Variants in NTRK2 observed in about 807,000 individuals in gnomAD.
NTRK2 encodes the protein BDNF/NT-3 growth factors receptor.
Under a neutral mutation model 94.5 loss-of-function variants are expected in NTRK2, and 13 were observed. The ratio of observed to expected loss-of-function variants is 0.14; its 90% CI spans 0.09 to 0.22. NTRK2 has a LOEUF of 0.22. NTRK2 is among the 10% of genes least tolerant of loss of function. NTRK2 has a pLI of 1.00. For synonymous variants in NTRK2, 372 were observed against 407.4 expected, an observed-to-expected ratio of 0.91 and a Z score of 1.05; for missense variants, 639 against 1,071.2, an observed-to-expected ratio of 0.60 and a Z score of 5.63.
intron 9 of NTRK2, among the ~76,000 whole-genome samples, chr9:84,733,253 G>A (rs142369289): frequency 1.2e-4 from 19 of 152,274 alleles, no homozygotes; most frequent in Admixed American, 7.2e-4. Context: ...CTCTCCTTCC[G>A]GGGATATCTT....
At chr9:84,765,316 A>G (rs1281467097) in intron 12 of NTRK2, among the ~76,000 whole-genome samples, 1 of 152,214 alleles carries the variant, frequency 6.6e-6, no homozygotes, top group Non-Finnish European at 1.5e-5. Context: ...CATGTACCCC[A>G]TAAATATGTA....
Position 84,750,714 on chromosome 9 carries a change from A to G in NTRK2, c.1297-1272A>G, listed in dbSNP as rs560851937. On this transcript the variant is annotated intron_variant, in intron 11 of 18. Coordinates refer to ENST00000277120, the MANE Select transcript of NTRK2 (RefSeq NM_006180.6). The stretch of plus-strand genomic sequence containing the variant: ...GCTGGCAAAGCCTGAAGTATTTACC[A>G]TCTGACCTTTACAGCAAAAGTTTGC... 2.0e-5 allele frequency among the ~76,000 whole-genome samples: 3 copies of G among 152,364 alleles called. No homozygotes were observed. In the South Asian group the frequency reaches 6.2e-4, roughly 32 times the overall value.
chr9:84,776,553 A>T (rs917576944), intron 12 of NTRK2, among the ~76,000 whole-genome samples: 4 of 152,172 alleles, frequency 2.6e-5, no homozygotes, highest in Admixed American at 6.5e-5. Context: ...AAAACTATGA[A>T]ATGTCTAAGA....
chr9:85,000,137 G>A (rs777365993), intron 17 of NTRK2, among the ~76,000 whole-genome samples: 14 of 152,096 alleles, frequency 9.2e-5, no homozygotes, highest in African/African-American at 1.4e-4. Context: ...AACAGAAAGT[G>A]GAGTTCACAT....
intron 12 of NTRK2, chr9:84,811,006 A>G (rs201228267): frequency 1.1e-5 from 12 of 1,117,024 alleles, no homozygotes; most frequent in Middle Eastern, 7.6e-4. Flanking sequence ...AGTTGAGAAC[A>G]GGTATAAGTG....
At chr9:84,994,096 C>T (rs530078458) in intron 17 of NTRK2, among the ~76,000 whole-genome samples, 7 of 152,120 alleles carry the variant, frequency 4.6e-5, no homozygotes, top group African/African-American at 9.7e-5. Context: ...TACTTCCAAG[C>T]GCAACATGGA....
Position 84,893,941 on chromosome 9 carries a change from G to A in NTRK2, c.1633+26510G>A, listed in dbSNP as rs1337532747. On this transcript the variant is annotated intron_variant, in intron 14 of 18. Coordinates refer to ENST00000277120, the MANE Select transcript of NTRK2 (RefSeq NM_006180.6). The stretch of plus-strand genomic sequence containing the variant: ...TAGAAACAGTACATTCAGGAACAAA[G>A]AGAGGGTAACACAGATGGAATGTGC... Among the ~76,000 whole-genome samples the A allele has an allele frequency of 2.6e-5, 4 of 152,294 alleles. No individual in the cohort carries two copies. The East Asian group carries it at 7.8e-4, about 30-fold the overall frequency.
intron 9 of NTRK2, among the ~76,000 whole-genome samples, chr9:84,733,085 T>G (rs1446512456): frequency 6.6e-6 from 1 of 152,204 alleles, no homozygotes; most frequent in Non-Finnish European, 1.5e-5. Flanking sequence ...TGCAGGTTTC[T>G]TTCACCTTCT....
chr9:84,850,814 T>G (rs766965818), intron 12 of NTRK2, among the ~76,000 whole-genome samples: 1 of 152,158 alleles, frequency 6.6e-6, no homozygotes, highest in Non-Finnish European at 1.5e-5. Context: ...GAAATGACGC[T>G]GTCAGAGCTG....
intron 14 of NTRK2, chr9:84,873,234 T>C (rs1194806078): frequency 9.4e-7 from 1 of 1,061,050 alleles, no homozygotes. Flanking sequence ...AAAAATATAT[T>C]TTCTCCTAAT....
chr9:84,957,201 G>C (rs957851936), intron 17 of NTRK2, among the ~76,000 whole-genome samples: 10 of 152,158 alleles, frequency 6.6e-5, no homozygotes, highest in African/African-American at 2.2e-4. Context: ...CCCAGGCAAA[G>C]GCTTTCTCTC....
chr9:84,793,830 T>C (rs2068982459), intron 12 of NTRK2, among the ~76,000 whole-genome samples: 1 of 152,114 alleles, frequency 6.6e-6, no homozygotes, highest in Non-Finnish European at 1.5e-5. Context: ...ATAAATAAAG[T>C]TTTATTGGAA....
At chr9:84,952,270 G>C (rs1168557776) in intron 16 of NTRK2, among the ~76,000 whole-genome samples, 1 of 152,154 alleles carries the variant, frequency 6.6e-6, no homozygotes, top group East Asian at 1.9e-4. Context: ...CATCCTCTCT[G>C]CTGAGGTGCT....
rs2058637885 is a variant in NTRK2 at position 84,670,594 on chromosome 9, A to T, written c.-155A>T. 2 of 761,556 alleles carry T rather than the reference A, an allele frequency of 2.6e-6. No individual in the cohort carries two copies. The highest frequency in any genetic ancestry group is 1.6e-5 in the South Asian group (1 of 63,804). The allele number at this position is 761,556 out of a possible 1,614,324, so 47.2% of individuals were successfully genotyped here. A position where few individuals can be genotyped will look rare whatever the true frequency, so the allele number is the denominator to read the frequency against. On this transcript the variant is annotated 5_prime_UTR_variant, in exon 2 of 19. Coordinates refer to ENST00000277120, the MANE Select transcript of NTRK2 (RefSeq NM_006180.6). The stretch of plus-strand genomic sequence containing the variant: ...GCCGGAACACTCTTCGCTCCGGACC[A>T]GCTCAGCCTCTGATAAGCTGGACTC...
chr9:84,924,430 T>C (rs1278585072), intron 14 of NTRK2, among the ~76,000 whole-genome samples: 1 of 152,182 alleles, frequency 6.6e-6, no homozygotes, highest in Non-Finnish European at 1.5e-5. Flanking sequence ...CTGGCCCACC[T>C]GCCAGGATTT....
chr9:84,858,580 T>C (rs1437609611), intron 12 of NTRK2, among the ~76,000 whole-genome samples: 1 of 152,088 alleles, frequency 6.6e-6, no homozygotes, highest in African/African-American at 2.4e-5. Context: ...AGAAATCCTC[T>C]GAGCCCTCTT....
At chr9:84,837,226 G>A (rs1295654830) in intron 12 of NTRK2, among the ~76,000 whole-genome samples, 1 of 152,046 alleles carries the variant, frequency 6.6e-6, no homozygotes, top group Non-Finnish European at 1.5e-5. Flanking sequence ...TTTTAGAGAT[G>A]AGGAAACTGT....
chr9:84,829,630 T>C (rs1309336572), intron 12 of NTRK2, among the ~76,000 whole-genome samples: 3 of 152,178 alleles, frequency 2.0e-5, no homozygotes, highest in African/African-American at 4.8e-5. Context: ...GCTGGGCCGT[T>C]GTTGGACTCT....
chr9:84,813,244 A>T (rs1259768210), intron 12 of NTRK2: 8 of 1,048,856 alleles, frequency 7.6e-6, no homozygotes, highest in Non-Finnish European at 9.2e-6. Flanking sequence ...CAGAGGGGCC[A>T]CTGTCCCCAG....
Sources: allele counts gnomAD v4.1 joint callset (sites outside exome capture counted in the v4.1 genomes callset), GRCh38; gene constraint gnomAD v4.1.1; transcripts MANE v1.5; gene names NCBI Gene and HGNC (gene_info 2026-07-23, HGNC 2026-07-21).